The following NBPF3 variants were observed in gnomAD, a reference collection of about 807,000 sequenced individuals.
NBPF3 encodes NBPF member 3, also known as NBPF family member NBPF3.
A neutral mutation model predicts 78.1 loss-of-function variants in NBPF3; 57 were observed. The observed-to-expected ratio is 0.73, with a 90% CI of 0.59 to 0.91. NBPF3 has a LOEUF of 0.91. Among genes scored for constraint, NBPF3 ranks in the 40% least tolerant of loss-of-function variants. The probability of loss-of-function intolerance (pLI) is 0.00; values close to 1 mark genes in which losing one functional copy is unlikely to be tolerated. For synonymous variants in NBPF3, 182 were observed against 271.7 expected (o/e 0.67, Z 3.25); for missense variants, 510 against 715.3 (o/e 0.71, Z 3.27).
rs550960960 is a variant in NBPF3, at chr1:21,468,494, T to C, written c.134-194T>C. On this transcript the variant is annotated intron_variant, in intron 2 of 14. Transcript: ENST00000318249. ...TTGTCGGAGACTGAGCTATTGGCAG[T>C]GCCTTCAGCTCTGAGCTCAGGCACC... The C allele has an allele frequency of 6.1e-5, 89 of 1,448,340 alleles. 1 individual carries two copies. In the South Asian group the frequency reaches 1.3e-3, roughly 21 times the overall value. The allele number at this position is 1,448,340 out of a possible 1,614,324, so 89.7% of individuals were successfully genotyped here. A position where few individuals can be genotyped will look rare whatever the true frequency, so the allele number is the denominator to read the frequency against.
chr1:21,473,475 A>C lies in NBPF3; in HGVS notation c.830A>C (p.Asn277Thr). The C allele has an allele frequency of 1.2e-6, 2 of 1,614,226 alleles. No homozygotes were observed. Among genetic ancestry groups the C allele is most frequent in the Non-Finnish European group, 1.7e-6 (2 of 1,180,044 alleles). The change falls in exon 7 of 15, where the codon AAC becomes ACC. Residue 277 changes from asparagine to threonine, a missense_variant. Around this residue, in one of 5 missense-constraint regions of NBPF3, gnomAD observed 440 missense variants for 478.2 expected, o/e 0.92. Transcript: ENST00000318249. ...AATAGCCACCACCCTTGTGAGTCCA[A>C]CCAGCCTTACGGGAACACCAGAATC... ...CSNSHHPCES[N>T]QPYGNTRITF...
intron 7 of NBPF3, 139 bp downstream of exon 7, chr1:21,473,724 G>A: frequency 1.3e-6 from 1 of 791,704 alleles, no homozygotes; most frequent in Admixed American, 2.3e-5. Flanking sequence ...GAGGTTTTCT[G>A]TCCTTCTCAG....
chr1:21,447,923 T>C (rs1483210674), intron 2 of NBPF3, among the ~76,000 whole-genome samples: 2 of 152,224 alleles, frequency 1.3e-5, no homozygotes, highest in Admixed American at 1.3e-4. Context: ...GTCTTTTTCA[T>C]ATGCATATTT....
chr1:21,468,396 A>C lies in NBPF3; in HGVS notation c.134-292A>C, dbSNP rs1357646549. ...GCAATTGGAATGCAGGGCTCCTAAG[A>C]TTCCATGACACCCCCACCTTCTAAT... On this transcript the variant is annotated intron_variant, in intron 2 of 14. Coordinates refer to ENST00000318249, the MANE Select transcript of NBPF3 (RefSeq NM_032264.6). 3.8e-6 allele frequency: 5 copies of C among 1,311,566 alleles called. No individual in the cohort carries two copies. The African/African-American group carries it at 7.5e-5, about 20-fold the overall frequency. The allele number at this position is 1,311,566 out of a possible 1,614,324, so 81.2% of individuals were successfully genotyped here. A position where few individuals can be genotyped will look rare whatever the true frequency, so the allele number is the denominator to read the frequency against.
intron 10 of NBPF3, among the ~76,000 whole-genome samples, chr1:21,479,806 C>CTCTA (rs1553398277): frequency 6.9e-5 from 6 of 87,544 alleles, no homozygotes; most frequent in Non-Finnish European, 8.0e-5. Context: ...CTCTCTCTCT[C>CTCTA]TCTCTCTCTC....
intron 14 of NBPF3, 112 bp from the exon 15 acceptor site, chr1:21,483,031 A>C (rs2800941): frequency 0.71 from 685,149 of 965,024 alleles, 256,821 homozygotes; most frequent in South Asian, 0.88. Flanking sequence ...CATTAATGGA[A>C]CTATCCTTTT....
upstream of NBPF3, among the ~76,000 whole-genome samples, chr1:21,437,821 AT>A (rs3053525): frequency 0.34 from 48,989 of 143,260 alleles, 9,050 homozygotes; most frequent in South Asian, 0.48. Flanking sequence ...TGCCTGGCTA[AT>A]TTTTTTTTTT....
At chr1:21,479,028 G>T (rs1375075831) in intron 9 of NBPF3, among the ~76,000 whole-genome samples, 1 of 152,202 alleles carries the variant, frequency 6.6e-6, no homozygotes, top group Non-Finnish European at 1.5e-5. Context: ...GAATATTGCA[G>T]TATCTCTCCT....
chr1:21,471,923 C>A, intron 5 of NBPF3, 140 bp downstream of exon 5: 2 of 1,210,566 alleles, frequency 1.7e-6, no homozygotes, highest in Non-Finnish European at 2.4e-6. Flanking sequence ...GTGACATAAC[C>A]AGGACTTCCT....
chr1:21,463,497 A>C (rs1642070281), intron 2 of NBPF3, among the ~76,000 whole-genome samples: 1 of 152,232 alleles, frequency 6.6e-6, no homozygotes, highest in Admixed American at 6.5e-5. Flanking sequence ...AAAACCCAGG[A>C]AAGTTCTCAT....
chr1:21,469,031 C>T, intron 3 of NBPF3, 134 bp downstream of exon 3: 2 of 762,392 alleles, frequency 2.6e-6, no homozygotes, highest in Non-Finnish European at 4.3e-6. Flanking sequence ...TGGGCATTTT[C>T]ACATTTTGTT....
chr1:21,481,383 TCTGC>T lies in NBPF3; in HGVS notation c.1434-211_1434-208del, dbSNP rs1374478501. 1.7e-4 allele frequency among the ~76,000 whole-genome samples: 14 copies of T among 80,420 alleles called. No individual in the cohort carries two copies. In the South Asian group the frequency reaches 0.012, roughly 67 times the overall value. The allele number at this position is 80,420 out of a possible 152,430, so 52.8% of individuals were successfully genotyped here. On this transcript the variant is annotated intron_variant, in intron 12 of 14. Coordinates refer to ENST00000318249, the MANE Select transcript of NBPF3 (RefSeq NM_032264.6). Reference sequence around the variant, plus strand: ...TCAGTGAGCGCTCACTCTCTCTCTCTCTGCCTCTGTCTCTCTGTCTCTCTGTCTT... The same window carrying T: ...TCAGTGAGCGCTCACTCTCTCTCTCTCTCTGTCTCTCTGTCTCTCTGTCTT...
chr1:21,470,698 A>G lies in NBPF3; in HGVS notation c.410A>G (p.Lys137Arg), dbSNP rs371319985. 86 of 1,600,862 alleles carry G rather than the reference A, an allele frequency of 5.4e-5. No individual in the cohort carries two copies. The African/African-American group carries it at 1.1e-3, about 20-fold the overall frequency. ...LRDERLLTEE[K>R]LAEELGQAEE... is the part of the protein sequence containing the mutation. ...GATGAGCGGCTGCTCACAGAAGAGA[A>G]GCTTGCAGAGGAGCTCGGGCAAGCT... Residue 137 changes from lysine (K) to arginine (R), a missense_variant, in exon 4 of 15, where the codon AAG (lysine) becomes AGG (arginine). Coordinates refer to ENST00000318249, the MANE Select transcript of NBPF3 (RefSeq NM_032264.6).
chr1:21,467,985 A>AT (rs1198084113), intron 2 of NBPF3, among the ~76,000 whole-genome samples: 8 of 152,200 alleles, frequency 5.3e-5, no homozygotes, highest in African/African-American at 1.4e-4. Flanking sequence ...GAAAGACAAC[A>AT]TTTTTTACAA....
At chr1:21,469,472 A>G (rs973888606) in intron 3 of NBPF3, among the ~76,000 whole-genome samples, 18 of 152,164 alleles carry the variant, frequency 1.2e-4, no homozygotes, top group African/African-American at 4.3e-4. Context: ...CACTCCTGTA[A>G]TCCAAGCACT....
chr1:21,470,862 C>G, intron 4 of NBPF3, 128 bp downstream of exon 4: 1 of 573,928 alleles, frequency 1.7e-6, no homozygotes, highest in Middle Eastern at 5.2e-4. Context: ...GGCAGGCTCA[C>G]GACACACAAA....
At chr1:21,458,269 T>G (rs1641747158) in intron 2 of NBPF3, among the ~76,000 whole-genome samples, 1 of 152,138 alleles carries the variant, frequency 6.6e-6, no homozygotes, top group Non-Finnish European at 1.5e-5. Context: ...TAAGAATGTC[T>G]TCGTTATTTT....
chr1:21,471,957 C>G (rs114099752), intron 5 of NBPF3, among the ~76,000 whole-genome samples, 174 bp downstream of exon 5: 1 of 152,226 alleles, frequency 6.6e-6, no homozygotes, highest in South Asian at 2.1e-4. Context: ...GGTGGGAAAC[C>G]GATTGGGTTG....
intron 2 of NBPF3, chr1:21,468,429 T>C (rs1642395501): frequency 1.5e-6 from 2 of 1,367,606 alleles, no homozygotes; most frequent in South Asian, 1.7e-5. Flanking sequence ...AATTCTGTTA[T>C]TGCAACTGCA....
Sources: gnomAD v4.1 joint callset for allele counts (sites outside exome capture counted in the v4.1 genomes callset) on GRCh38, gnomAD v4.1.1 for gene constraint, gnomAD v4.1.1 regional missense constraint, MANE v1.5 for transcripts, NCBI Gene and HGNC (gene_info 2026-07-23, HGNC 2026-07-21) for gene names.